Variants in DLG2 observed in about 807,000 individuals in gnomAD.
DLG2 encodes disks large homolog 2.
A neutral mutation model predicts 132.5 loss-of-function variants in DLG2; 45 were observed. That is an observed-to-expected ratio of 0.34 (90% confidence interval 0.27 to 0.44). DLG2 has a LOEUF of 0.44. Ranked by LOEUF, DLG2 falls within the 20% of genes least tolerant of loss-of-function variation. DLG2 has a pLI of 1.00. For synonymous variants in DLG2, 424 were observed against 419.6 expected, an observed-to-expected ratio of 1.01 and a Z score of -0.13; for missense variants, 1,045 against 1,196.9, an observed-to-expected ratio of 0.87 and a Z score of 1.87.
chr11:84,324,023 C>G (rs770222984), intron 7 of DLG2, among the ~76,000 whole-genome samples: 36 of 152,012 alleles, frequency 2.4e-4, no homozygotes, highest in Non-Finnish European at 3.7e-4. Context: ...TTTTCACTCT[C>G]TTTATCGTTT....
chr11:83,482,046 A>C (rs185959110), intron 22 of DLG2, among the ~76,000 whole-genome samples: 1 of 152,242 alleles, frequency 6.6e-6, no homozygotes, highest in Admixed American at 6.5e-5. Context: ...GATAATGCTG[A>C]AATCAATATT....
At chr11:84,592,862 C>T (rs2099546893) in intron 6 of DLG2, among the ~76,000 whole-genome samples, 1 of 136,346 alleles carries the variant, frequency 7.3e-6, no homozygotes, top group Admixed American at 8.1e-5. Flanking sequence ...CTTTGGGAGG[C>T]CAAGGCGAGT....
intron 18 of DLG2, among the ~76,000 whole-genome samples, chr11:83,742,331 G>A (rs1440087228): frequency 6.6e-6 from 1 of 151,618 alleles, no homozygotes; most frequent in Non-Finnish European, 1.5e-5. Flanking sequence ...AAAACATAAT[G>A]TTGTGTACCT....
intron 15 of DLG2, among the ~76,000 whole-genome samples, chr11:83,912,930 A>G (rs552552124): frequency 5.0e-4 from 76 of 152,204 alleles, no homozygotes; most frequent in African/African-American, 1.8e-3. Flanking sequence ...TAAGGAGCCA[A>G]TTTAAATAGT....
intron 3 of DLG2, among the ~76,000 whole-genome samples, chr11:85,385,117 C>T (rs2086219986): frequency 6.6e-6 from 1 of 152,198 alleles, no homozygotes. Flanking sequence ...ACTTCTACAA[C>T]TCTTTAGCCT....
At chr11:85,079,342 C>T (rs1346747287) in intron 6 of DLG2, among the ~76,000 whole-genome samples, 1 of 151,922 alleles carries the variant, frequency 6.6e-6, no homozygotes, top group African/African-American at 2.4e-5. Context: ...TCACTTGGTG[C>T]CTGAATTCCA....
intron 8 of DLG2, among the ~76,000 whole-genome samples, chr11:84,194,894 G>C (rs926955040): frequency 2.0e-5 from 3 of 152,164 alleles, no homozygotes; most frequent in South Asian, 2.1e-4. Flanking sequence ...CTCCAAGCGC[G>C]GGGCCTATTG....
At position 83,471,077 on chromosome 11, in the gene DLG2, TGAGAAGAAAGTAGTTTAAAGTCTGTA is replaced by T. The variant is rs555894777; in HGVS notation, c.2446+523_2446+548del. On this transcript the variant is annotated intron_variant, in intron 24 of 27. Coordinates refer to ENST00000376104, the MANE Select transcript of DLG2 (RefSeq NM_001142699.3). The stretch of plus-strand genomic sequence containing the variant: ...CCAGAAGCCTGATGATAATCTATAA[TGAGAAGAAAGTAGTTTAAAGTCTGTA>T]ATGGCCTAGAGGTCAAATTGAAGTG... Among the ~76,000 whole-genome samples the T allele has an allele frequency of 2.6e-5, 4 of 152,112 alleles. No individual in the cohort carries two copies. The East Asian group carries it at 7.7e-4, about 29-fold the overall frequency.
chr11:84,856,823 T>C (rs916606057), intron 6 of DLG2, among the ~76,000 whole-genome samples: 2 of 152,052 alleles, frequency 1.3e-5, no homozygotes, highest in African/African-American at 4.8e-5. Flanking sequence ...CTCTTCTCTA[T>C]ACTAGCCTTG....
chr11:84,470,187 T>C (rs2099105040), intron 7 of DLG2, among the ~76,000 whole-genome samples: 1 of 151,738 alleles, frequency 6.6e-6, no homozygotes, highest in African/African-American at 2.4e-5. Context: ...GCACAAGTGT[T>C]GGTAAACATA....
At chr11:85,545,268 C>A (rs1323807151) in intron 3 of DLG2, among the ~76,000 whole-genome samples, 1 of 152,124 alleles carries the variant, frequency 6.6e-6, no homozygotes, top group Non-Finnish European at 1.5e-5. Context: ...GTCATTGGTT[C>A]TGTTTATGTG....
chr11:84,771,070 C>T (rs1171982169), intron 6 of DLG2, among the ~76,000 whole-genome samples: 2 of 152,146 alleles, frequency 1.3e-5, no homozygotes, highest in Admixed American at 6.5e-5. Context: ...GTGAATAGTG[C>T]TGCAGTAAAC....
intron 15 of DLG2, among the ~76,000 whole-genome samples, chr11:83,891,261 A>G (rs2069758486): frequency 7.3e-6 from 1 of 136,696 alleles, no homozygotes; most frequent in Admixed American, 7.5e-5. Flanking sequence ...ACACAGAAAA[A>G]AAGACTAAGA....
At position 84,514,762 on chromosome 11, in the gene DLG2, G is replaced by C. The variant is rs1482718145; in HGVS notation, c.519+19808C>G. On this transcript the variant is annotated intron_variant, in intron 7 of 27. Transcript: ENST00000376104. ...AGAATACTGTTTGACAGCACATCAG[G>C]GGTACTAGAATTAACGATCATTTAA... Among the ~76,000 whole-genome samples, 5 of 151,674 alleles carry C rather than the reference G, an allele frequency of 3.3e-5. No homozygotes were observed. In the East Asian group the frequency reaches 7.7e-4, roughly 23 times the overall value.
chr11:85,189,855 G>T (rs1247372387), intron 4 of DLG2, among the ~76,000 whole-genome samples: 1 of 152,046 alleles, frequency 6.6e-6, no homozygotes, highest in Admixed American at 6.6e-5. Flanking sequence ...GAGTACAGCA[G>T]TGTGATCATA....
intron 6 of DLG2, among the ~76,000 whole-genome samples, chr11:84,697,914 A>G (rs546467944): frequency 1.1e-4 from 16 of 151,534 alleles, no homozygotes; most frequent in Admixed American, 2.6e-4. Context: ...TCCACAATAA[A>G]AAGTAATGTG....
intron 11 of DLG2, among the ~76,000 whole-genome samples, chr11:84,032,377 C>T (rs562769912): frequency 6.6e-5 from 10 of 152,158 alleles, no homozygotes; most frequent in African/African-American, 2.2e-4. Context: ...TTTTAGTGGT[C>T]GAGATAAATA....
chr11:84,595,296 A>T (rs2055786301), intron 6 of DLG2, among the ~76,000 whole-genome samples: 1 of 151,810 alleles, frequency 6.6e-6, no homozygotes, highest in African/African-American at 2.4e-5. Flanking sequence ...TGAGATTTGG[A>T]GAGATAGGGT....
intron 9 of DLG2, among the ~76,000 whole-genome samples, chr11:84,120,421 C>T (rs775650126): frequency 2.0e-5 from 3 of 152,180 alleles, no homozygotes; most frequent in African/African-American, 4.8e-5. Flanking sequence ...AAAGGGGATA[C>T]ACCGGTAGTA....
Sources: gnomAD v4.1 joint callset for allele counts (sites outside exome capture counted in the v4.1 genomes callset) on GRCh38, gnomAD v4.1.1 for gene constraint, MANE v1.5 for transcripts, NCBI Gene and HGNC (gene_info 2026-07-23, HGNC 2026-07-21) for gene names.